ONECUT1: variants seen among roughly 807,000 people sequenced by gnomAD.
ONECUT1 encodes the protein hepatocyte nuclear factor 6.
A neutral mutation model predicts 25.6 loss-of-function variants in ONECUT1; 12 were observed. The observed-to-expected ratio is 0.47, with a 90% CI of 0.30 to 0.76. The LOEUF (loss-of-function observed/expected upper bound fraction) is 0.76, where lower values mean the gene tolerates loss of function less well. ONECUT1 is among the 30% of genes least tolerant of loss of function. The pLI is 0.07. For synonymous variants in ONECUT1, 285 were observed against 270.2 expected, an observed-to-expected ratio of 1.05 and a Z score of -0.54; for missense variants, 620 against 651.2, an observed-to-expected ratio of 0.95 and a Z score of 0.52.
At chr15:52,780,535 A>G (rs2083833915) in intron 1 of ONECUT1, 1 of 1,482,440 alleles carries the variant, frequency 6.7e-7, no homozygotes, top group Non-Finnish European at 9.1e-7. Flanking sequence ...TAATCACTTT[A>G]ACTGCATCTT....
chr15:52,764,864 C>A (rs2083725112), intron 1 of ONECUT1, among the ~76,000 whole-genome samples: 1 of 152,236 alleles, frequency 6.6e-6, no homozygotes, highest in Admixed American at 6.5e-5. Flanking sequence ...ACGTCCGAGT[C>A]ACGCAAGGGG....
chr15:52,762,530 T>C (rs1335110618), intron 1 of ONECUT1, among the ~76,000 whole-genome samples: 4 of 152,172 alleles, frequency 2.6e-5, no homozygotes, highest in Non-Finnish European at 4.4e-5. Context: ...CTGTAGACGT[T>C]ACAATACCAG....
Position 52,789,459 on chromosome 15 carries a change from C to T in ONECUT1, c.426G>A (p.Ala142=), listed in dbSNP as rs557724287. The part of the protein sequence containing the change: ...HHHPHHHQRL[A]GNVSGSFTLM... ...GCGTGAAGCTACCGCTCACGTTGCCCGCCAGGCGCTGGTGGTGGTGCGGGT... is the reference window on the plus strand; with the variant it reads ...GCGTGAAGCTACCGCTCACGTTGCCTGCCAGGCGCTGGTGGTGGTGCGGGT... The change falls in exon 1 of 2, where the codon GCG becomes GCA. Residue 142 remains alanine (A), a synonymous_variant. Coordinates refer to ENST00000305901, the MANE Select transcript of ONECUT1 (RefSeq NM_004498.4). The surrounding 1 kb of genome is among the most constrained non-coding windows in gnomAD (Gnocchi z 4.1). 19 of 1,613,648 alleles carry T rather than the reference C, an allele frequency of 1.2e-5. No individual in the cohort carries two copies. In the South Asian group the frequency reaches 1.8e-4, roughly 15 times the overall value.
Position 52,790,027 on chromosome 15 carries a change from C to G in ONECUT1, c.-143G>C. On this transcript the variant is annotated 5_prime_UTR_variant, in exon 1 of 2. Coordinates refer to ENST00000305901, the MANE Select transcript of ONECUT1 (RefSeq NM_004498.4). Reference sequence around the variant, plus strand: ...TCACTGTGGGGCTCTGTCTCTCTCTCTCTCTCTCTCCGTGTGTGTGTGTCC... The same window carrying G: ...TCACTGTGGGGCTCTGTCTCTCTCTGTCTCTCTCTCCGTGTGTGTGTGTCC... 1 of 1,277,602 alleles carries G rather than the reference C, an allele frequency of 7.8e-7. No individual in the cohort carries two copies. Among genetic ancestry groups the G allele is most frequent in the Non-Finnish European group, 1.0e-6 (1 of 993,802 alleles). The allele number at this position is 1,277,602 out of a possible 1,614,324, so 79.1% of individuals were successfully genotyped here. A position where few individuals can be genotyped will look rare whatever the true frequency, so the allele number is the denominator to read the frequency against.
chr15:52,772,381 G>A (rs1319757846), intron 1 of ONECUT1, among the ~76,000 whole-genome samples: 6 of 146,722 alleles, frequency 4.1e-5, no homozygotes, highest in African/African-American at 1.3e-4. Context: ...GCGACAGAGC[G>A]AGACTCCATC....
chr15:52,775,357 G>A (rs2083793038), intron 1 of ONECUT1, among the ~76,000 whole-genome samples: 1 of 151,690 alleles, frequency 6.6e-6, no homozygotes, highest in Non-Finnish European at 1.5e-5. Context: ...CAATTTTCTG[G>A]CCAAATAATT....
chr15:52,767,734 C>T (rs1323306421), intron 1 of ONECUT1, among the ~76,000 whole-genome samples: 1 of 152,204 alleles, frequency 6.6e-6, no homozygotes, highest in Non-Finnish European at 1.5e-5. Flanking sequence ...GAGATATCTG[C>T]ACTGCCATGT....
chr15:52,788,709 C>T lies in ONECUT1; in HGVS notation c.1105+71G>A. 6 of 1,509,046 alleles carry T rather than the reference C, an allele frequency of 4.0e-6. No homozygotes were observed. Among genetic ancestry groups the T allele is most frequent in the Non-Finnish European group, 5.4e-6 (6 of 1,117,138 alleles). The allele number at this position is 1,509,046 out of a possible 1,614,324, so 93.5% of individuals were successfully genotyped here. On this transcript the variant is annotated intron_variant, in intron 1 of 1. Transcript: ENST00000305901. The surrounding 1 kb of genome is among the most constrained non-coding windows in gnomAD (Gnocchi z 4.3). The stretch of plus-strand genomic sequence containing the variant: ...AAGCGCACCCAGCCCTCTCTCCTAC[C>T]CTTCCTCCTTTGGTCCCTTCGGCTT...
At chr15:52,757,914 G>A (rs2083683705) in intron 1 of ONECUT1, 67 bp from the exon 2 acceptor site, 4 of 1,520,952 alleles carry the variant, frequency 2.6e-6, no homozygotes, top group South Asian at 2.6e-5. Flanking sequence ...GAAAGACAGA[G>A]CTCATAAAAT....
chr15:52,756,268 A>ATAGC lies in ONECUT1; in HGVS notation c.*1283_*1286dup, dbSNP rs1353882653. On this transcript the variant is annotated 3_prime_UTR_variant, in exon 2 of 2. Transcript: ENST00000305901. ...TTTTTAGGATAGTTATAAGTACTGA[A>ATAGC]TAGCTCATTTGAATAATAATGTTGT... 7.2e-5 allele frequency among the ~76,000 whole-genome samples: 11 copies of ATAGC among 152,330 alleles called. No homozygotes were observed. The highest frequency in any genetic ancestry group is 2.6e-4 in the African/African-American group (11 of 41,572).
chr15:52,761,189 C>T (rs1214362926), intron 1 of ONECUT1, among the ~76,000 whole-genome samples: 1 of 152,126 alleles, frequency 6.6e-6, no homozygotes, highest in African/African-American at 2.4e-5. Context: ...AAGAGCACTC[C>T]ATATAATTGG....
chr15:52,789,469 TGGTGGTGGTGCG>T lies in ONECUT1; in HGVS notation c.404_415del (p.Pro135_His138del), dbSNP rs763938144. The T allele has an allele frequency of 6.9e-5, 111 of 1,613,264 alleles. No individual in the cohort carries two copies. The highest frequency in any genetic ancestry group is 1.6e-4 in the Middle Eastern group (1 of 6,084). On this transcript the variant is annotated inframe_deletion, in exon 1 of 2. Coordinates refer to ENST00000305901, the MANE Select transcript of ONECUT1 (RefSeq NM_004498.4). The surrounding 1 kb of genome is among the most constrained non-coding windows in gnomAD (Gnocchi z 4.1). ...ACCGCTCACGTTGCCCGCCAGGCGC[TGGTGGTGGTGCG>T]GGTGGTGGTGGTGATGGTGGTGGTG...
At position 52,757,259 on chromosome 15, in the gene ONECUT1, C is replaced by T; in HGVS notation, c.*296G>A. On this transcript the variant is annotated 3_prime_UTR_variant, in exon 2 of 2. Transcript: ENST00000305901. ...TCAATGGCTCAAAATCACTATGCTC[C>T]AAACCACTAAACAGCCAAGCACAGC... The T allele has an allele frequency of 5.7e-6, 2 of 348,236 alleles. No individual in the cohort carries two copies. Among genetic ancestry groups the T allele is most frequent in the Non-Finnish European group, 1.0e-5 (2 of 192,236 alleles). The allele number at this position is 348,236 out of a possible 1,614,324, so 21.6% of individuals were successfully genotyped here. A position where few individuals can be genotyped will look rare whatever the true frequency, so the allele number is the denominator to read the frequency against.
intron 1 of ONECUT1, among the ~76,000 whole-genome samples, chr15:52,778,472 T>A (rs1214228534): frequency 6.6e-6 from 1 of 152,192 alleles, no homozygotes; most frequent in African/African-American, 2.4e-5. Context: ...TATATGTAGG[T>A]CCAGGTTGAG....
intron 1 of ONECUT1, among the ~76,000 whole-genome samples, chr15:52,761,655 A>G (rs1306541810): frequency 6.6e-6 from 1 of 152,212 alleles, no homozygotes; most frequent in Non-Finnish European, 1.5e-5. Context: ...TGGGCAAGAG[A>G]GCAAGATTCC....
intron 1 of ONECUT1, among the ~76,000 whole-genome samples, chr15:52,783,306 C>G (rs2083852674): frequency 6.6e-6 from 1 of 152,238 alleles, no homozygotes; most frequent in Admixed American, 6.5e-5. Context: ...AGATCAACCA[C>G]CCGATCGACG....
At chr15:52,760,233 G>T (rs1457942775) in intron 1 of ONECUT1, among the ~76,000 whole-genome samples, 1 of 152,090 alleles carries the variant, frequency 6.6e-6, no homozygotes, top group Non-Finnish European at 1.5e-5. Flanking sequence ...TCGAGTTATA[G>T]ACATCCTGAG....
Position 52,788,698 on chromosome 15 carries a change from C to G in ONECUT1, c.1105+82G>C. 6.8e-7 allele frequency: 1 copy of G among 1,461,868 alleles called. No homozygotes were observed. Among genetic ancestry groups the G allele is most frequent in the East Asian group, 2.3e-5 (1 of 43,812 alleles). 90.6% of individuals were successfully genotyped at this position (1,461,868 alleles called of 1,614,324 possible). A position where few individuals can be genotyped will look rare whatever the true frequency, so the allele number is the denominator to read the frequency against. On this transcript the variant is annotated intron_variant, in intron 1 of 1. Transcript: ENST00000305901. This position sits in a 1 kb window ranked among gnomAD's most constrained non-coding sequence, Gnocchi z 4.3. The stretch of plus-strand genomic sequence containing the variant: ...CGGGCGGGATGAAGCGCACCCAGCC[C>G]TCTCTCCTACCCTTCCTCCTTTGGT...
At chr15:52,770,524 C>A (rs184679790) in intron 1 of ONECUT1, among the ~76,000 whole-genome samples, 97 of 152,256 alleles carry the variant, frequency 6.4e-4, no homozygotes, top group Non-Finnish European at 7.8e-4. Flanking sequence ...GTAACAAGGG[C>A]TGAGAGTCCC....
Sources: allele counts gnomAD v4.1 joint callset (sites outside exome capture counted in the v4.1 genomes callset), GRCh38; gene constraint gnomAD v4.1.1; non-coding constraint Gnocchi (gnomAD v3.1); transcripts MANE v1.5; gene names NCBI Gene and HGNC (gene_info 2026-07-23, HGNC 2026-07-21).